Variants in CHN2 observed in about 807,000 individuals in gnomAD.
CHN2 encodes chimerin 2.
CHN2 carries 35 observed loss-of-function variants against 56.3 expected under a neutral mutation model. That is an observed-to-expected ratio of 0.62 (90% CI 0.47 to 0.82). The LOEUF (loss-of-function observed/expected upper bound fraction) is 0.82. CHN2 is among the 40% of genes least tolerant of loss of function. The pLI is 0.00. For missense variants in CHN2, 491 were observed against 580.5 expected, an observed-to-expected ratio of 0.85 and a Z score of 1.58; for synonymous variants, 210 against 212.8, an observed-to-expected ratio of 0.99 and a Z score of 0.12.
intron 2 of CHN2, among the ~76,000 whole-genome samples, chr7:29,173,412 T>C (rs974429793): frequency 3.3e-5 from 5 of 152,084 alleles, no homozygotes; most frequent in Admixed American, 2.6e-4. Context: ...TGAGGATTTC[T>C]GCTCCTGCTT....
chr7:29,240,819 G>GTCA lies in CHN2; in HGVS notation c.49+45831_49+45832insATC, dbSNP rs1222225957. Among the ~76,000 whole-genome samples, 36 of 147,010 alleles carry GTCA rather than the reference G, an allele frequency of 2.4e-4. No homozygotes were observed. In the East Asian group the frequency reaches 6.7e-3, roughly 27 times the overall value. Reference sequence around the variant, plus strand: ...CTTCCTCTTCTTCTTCTTCTTCTTCGTCGTCGTCGTCGTCGTCTTCGTCTT... The same window carrying GTCA: ...CTTCCTCTTCTTCTTCTTCTTCTTCGTCATCGTCGTCGTCGTCGTCTTCGTCTT... On this transcript the variant is annotated intron_variant, in intron 1 of 12. Coordinates refer to ENST00000222792, the MANE Select transcript of CHN2 (RefSeq NM_004067.4).
At chr7:29,190,792 C>T (rs1326765690), upstream of CHN2, among the ~76,000 whole-genome samples, 4 of 152,160 alleles carry the variant, frequency 2.6e-5, no homozygotes, top group Non-Finnish European at 5.9e-5. Flanking sequence ...AACTGGCATA[C>T]AAGAGAACCA....
intron 3 of CHN2, among the ~76,000 whole-genome samples, chr7:29,393,101 T>A (rs770919632): frequency 6.6e-6 from 1 of 152,192 alleles, no homozygotes; most frequent in Non-Finnish European, 1.5e-5. Flanking sequence ...TCTGGAATGT[T>A]TGTGTTTTAG....
chr7:29,303,109 G>A (rs960390776), intron 1 of CHN2, among the ~76,000 whole-genome samples: 32 of 152,166 alleles, frequency 2.1e-4, no homozygotes, highest in African/African-American at 6.8e-4. Flanking sequence ...GCCATTGTGC[G>A]TTGATGCTGG....
chr7:29,315,968 A>G (rs1324824233), intron 1 of CHN2, among the ~76,000 whole-genome samples: 1 of 152,230 alleles, frequency 6.6e-6, no homozygotes, highest in Non-Finnish European at 1.5e-5. Context: ...ATTTAATACC[A>G]TTCACCTAGT....
intron 5 of CHN2, among the ~76,000 whole-genome samples, chr7:29,399,513 GATCA>G (rs1802032608): frequency 6.6e-6 from 1 of 152,140 alleles, no homozygotes; most frequent in Admixed American, 6.5e-5. Flanking sequence ...TTCAAACCTT[GATCA>G]AATATTTTCT....
chr7:29,305,659 T>C (rs183054784), intron 1 of CHN2, among the ~76,000 whole-genome samples: 1 of 152,282 alleles, frequency 6.6e-6, no homozygotes. Flanking sequence ...CTGATAAAGT[T>C]TACTTGTGTA....
Position 29,508,820 on chromosome 7 carries a change from G to C in CHN2, c.1130-481G>C, listed in dbSNP as rs547341480. On this transcript the variant is annotated intron_variant, in intron 11 of 12. Coordinates refer to ENST00000222792, the MANE Select transcript of CHN2 (RefSeq NM_004067.4). ...GAGAAGTGCCATGAGTGCAGGCTGA[G>C]TTGGGTGGCTCATTGCCAATGTCCT... 3.2e-3 allele frequency among the ~76,000 whole-genome samples: 481 copies of C among 152,336 alleles called. 6 individuals carry two copies. The highest frequency in any genetic ancestry group is 0.011 in the African/African-American group (472 of 41,570).
intron 1 of CHN2, among the ~76,000 whole-genome samples, chr7:29,203,257 A>G (rs1784286838): frequency 6.6e-6 from 1 of 152,174 alleles, no homozygotes; most frequent in Non-Finnish European, 1.5e-5. Context: ...ACCTGAGGTC[A>G]GGAGTTTGAG....
intron 2 of CHN2, among the ~76,000 whole-genome samples, chr7:29,183,616 GTC>G (rs1363881768): frequency 6.0e-5 from 9 of 150,888 alleles, no homozygotes; most frequent in Admixed American, 5.9e-4. Flanking sequence ...GCCTCAAGTG[GTC>G]TGCCGGTCTT....
intron 1 of CHN2, among the ~76,000 whole-genome samples, chr7:29,252,337 C>T (rs1228286096): frequency 6.6e-6 from 1 of 151,262 alleles, no homozygotes; most frequent in African/African-American, 2.4e-5. Flanking sequence ...TACAGGCACC[C>T]GCCACCATGC....
intron 2 of CHN2, among the ~76,000 whole-genome samples, chr7:29,176,445 G>T (rs1324438155): frequency 1.3e-5 from 2 of 151,996 alleles, no homozygotes; most frequent in East Asian, 1.9e-4. Flanking sequence ...GAACACAATG[G>T]GTATGTCTTC....
At chr7:29,310,784 C>T (rs1273447766) in intron 1 of CHN2, among the ~76,000 whole-genome samples, 3 of 152,146 alleles carry the variant, frequency 2.0e-5, no homozygotes, top group African/African-American at 2.4e-5. Context: ...AGAGTCTCTT[C>T]TAGATGGCAC....
intron 2 of CHN2, among the ~76,000 whole-genome samples, chr7:29,361,255 A>T (rs1054298495): frequency 6.6e-6 from 1 of 152,234 alleles, no homozygotes; most frequent in Non-Finnish European, 1.5e-5. Context: ...ACTCTGCCTC[A>T]GAGATTTTTT....
intron 1 of CHN2, chr7:29,208,678 C>G (rs1287575156): frequency 6.6e-6 from 1 of 152,338 alleles, no homozygotes; most frequent in East Asian, 1.9e-4. Context: ...AAACTTTTCT[C>G]ATGCTAACAC....
intron 10 of CHN2, among the ~76,000 whole-genome samples, chr7:29,505,738 C>G (rs1455448952): frequency 6.6e-6 from 1 of 152,228 alleles, no homozygotes; most frequent in Non-Finnish European, 1.5e-5. Flanking sequence ...ATTCTCCACA[C>G]TTCTTCAGCA....
intron 6 of CHN2, among the ~76,000 whole-genome samples, chr7:29,431,593 T>G (rs1419388600): frequency 1.3e-5 from 2 of 152,182 alleles, no homozygotes; most frequent in Non-Finnish European, 2.9e-5. Flanking sequence ...CTGACTACAG[T>G]TCTTGCAACA....
At chr7:29,319,924 C>G (rs1421410401) in intron 1 of CHN2, among the ~76,000 whole-genome samples, 3 of 152,068 alleles carry the variant, frequency 2.0e-5, no homozygotes, top group Non-Finnish European at 4.4e-5. Flanking sequence ...ACCTCACTGG[C>G]CCTGGCTTTT....
intron 6 of CHN2, among the ~76,000 whole-genome samples, chr7:29,458,097 T>C (rs1784897078): frequency 6.6e-6 from 1 of 152,220 alleles, no homozygotes; most frequent in South Asian, 2.1e-4. Flanking sequence ...CCCCTGTTAT[T>C]GTATGTCACA....
Sources: allele counts gnomAD v4.1 joint callset (sites outside exome capture counted in the v4.1 genomes callset), GRCh38; gene constraint gnomAD v4.1.1; transcripts MANE v1.5; gene names NCBI Gene and HGNC (gene_info 2026-07-23, HGNC 2026-07-21).